The following SCN10A variants were observed in gnomAD, a reference collection of about 807,000 sequenced individuals.
SCN10A encodes sodium channel protein type 10 subunit alpha.
In SCN10A, 162 loss-of-function variants were observed where a neutral mutation model predicts 170.7. The ratio of observed to expected loss-of-function variants is 0.95; its 90% CI spans 0.84 to 1.08. The LOEUF (loss-of-function observed/expected upper bound fraction) is 1.08. Ranked by LOEUF, SCN10A falls within the 50% of genes least tolerant of loss-of-function variation. The pLI is 0.00. For missense variants in SCN10A, 2,527 were observed against 2,436.9 expected (o/e 1.04, Z -0.78); for synonymous variants, 985 against 904.6 (o/e 1.09, Z -1.59).
chr3:38,729,292 A>G (rs1048566363), intron 15 of SCN10A, among the ~76,000 whole-genome samples: 2 of 152,110 alleles, frequency 1.3e-5, no homozygotes, highest in African/African-American at 4.8e-5. Context: ...ATGACTGAAG[A>G]GAGACCAGCC....
chr3:38,815,399 G>C (rs138131379), intron 1 of SCN10A, among the ~76,000 whole-genome samples: 2 of 152,178 alleles, frequency 1.3e-5, no homozygotes, highest in Non-Finnish European at 2.9e-5. Flanking sequence ...TTGACATTCA[G>C]AGTCAATAGG....
At chr3:38,810,110 G>A (rs191982292) in intron 1 of SCN10A, among the ~76,000 whole-genome samples, 2 of 152,250 alleles carry the variant, frequency 1.3e-5, no homozygotes, top group East Asian at 3.9e-4. Context: ...ATGAGCCCCT[G>A]CTCATAAAGC....
intron 1 of SCN10A, among the ~76,000 whole-genome samples, chr3:38,808,322 T>A (rs1417712812): frequency 1.3e-5 from 2 of 152,240 alleles, no homozygotes; most frequent in Admixed American, 6.5e-5. Context: ...TTTAGTTAAG[T>A]GTCAGTTTTT....
At position 38,782,581 on chromosome 3, in the gene SCN10A, C is replaced by A. The variant is rs1448590963; in HGVS notation, c.470+6375G>T. 7.9e-5 allele frequency among the ~76,000 whole-genome samples: 12 copies of A among 152,062 alleles called. 1 individual carries two copies. In the East Asian group the frequency reaches 2.3e-3, roughly 29 times the overall value. ...TCTATCTTCCATATTTAACCACAATCTCCAAATAACTCCCAAATAACTCAT... is the reference window on the plus strand; with the variant it reads ...TCTATCTTCCATATTTAACCACAATATCCAAATAACTCCCAAATAACTCAT... On this transcript the variant is annotated intron_variant, in intron 4 of 27. Coordinates refer to ENST00000449082, the MANE Select transcript of SCN10A (RefSeq NM_006514.4).
intron 1 of SCN10A, among the ~76,000 whole-genome samples, chr3:38,812,262 A>C (rs72869630): frequency 0.024 from 3,634 of 152,318 alleles, 112 homozygotes; most frequent in African/African-American, 0.079. Context: ...ATCCTCACAC[A>C]ATCATAGGAG....
At chr3:38,767,095 C>T (rs998958254) in intron 5 of SCN10A, among the ~76,000 whole-genome samples, 3 of 151,276 alleles carry the variant, frequency 2.0e-5, no homozygotes, top group African/African-American at 2.4e-5. Context: ...CATTTTATTT[C>T]TAATTGAGCT....
intron 1 of SCN10A, among the ~76,000 whole-genome samples, chr3:38,800,865 C>T (rs1422240592): frequency 1.3e-5 from 2 of 152,170 alleles, no homozygotes; most frequent in African/African-American, 2.4e-5. Context: ...GCTATAGTAG[C>T]ACCTTGACTT....
chr3:38,723,647 G>T, intron 18 of SCN10A, 94 bp from the exon 19 acceptor site: 2 of 1,418,670 alleles, frequency 1.4e-6, no homozygotes, highest in Non-Finnish European at 9.6e-7. Flanking sequence ...ACCCATGTTT[G>T]GTGCCTCGCC....
intron 13 of SCN10A, among the ~76,000 whole-genome samples, chr3:38,742,994 C>G (rs2063650187): frequency 6.6e-6 from 1 of 152,108 alleles, no homozygotes. Context: ...CTATGCTTAC[C>G]AACCCTCCTA....
chr3:38,764,029 G>A (rs1410754975), intron 5 of SCN10A, among the ~76,000 whole-genome samples: 1 of 152,126 alleles, frequency 6.6e-6, no homozygotes, highest in African/African-American at 2.4e-5. Flanking sequence ...CCCCCGAAGC[G>A]GTACTCTGTG....
intron 1 of SCN10A, among the ~76,000 whole-genome samples, chr3:38,800,104 C>A (rs192019356): frequency 1.3e-5 from 2 of 152,138 alleles, no homozygotes; most frequent in African/African-American, 4.8e-5. Flanking sequence ...ATGGGTAAAG[C>A]AGTATCTATG....
intron 21 of SCN10A, among the ~76,000 whole-genome samples, chr3:38,715,459 A>G (rs1453548107): frequency 2.6e-5 from 4 of 152,224 alleles, no homozygotes; most frequent in African/African-American, 9.6e-5. Flanking sequence ...GATAAACTCC[A>G]TACTCTGTAG....
chr3:38,697,794 T>C lies in SCN10A; in HGVS notation c.5426A>G (p.Lys1809Arg), dbSNP rs561166361. 15 of 1,614,200 alleles carry C rather than the reference T, an allele frequency of 9.3e-6. No homozygotes were observed. In the East Asian group the frequency reaches 3.1e-4, roughly 34 times the overall value. The change falls in exon 28 of 28, where the codon AAG (lysine) becomes AGG (arginine). Residue 1809 changes from lysine (K) to arginine (R), a missense_variant. Lys to Arg is a conservative substitution (Grantham distance 26). Transcript: ENST00000449082. ...CTCCCCGGATTCTCCTAGGACATTC[T>C]TGGTGAAAGCAAAAAGGATGTCCAA... is the stretch of plus-strand genomic sequence containing the variant. ...HCLDILFAFT[K>R]NVLGESGELD...
intron 4 of SCN10A, among the ~76,000 whole-genome samples, chr3:38,777,963 C>T (rs2064096000): frequency 6.6e-6 from 1 of 151,950 alleles, no homozygotes; most frequent in African/African-American, 2.4e-5. Context: ...GAGGAGAAAA[C>T]ACAGGATAAT....
intron 1 of SCN10A, among the ~76,000 whole-genome samples, chr3:38,804,990 CAGAG>C (rs2126065364): frequency 6.6e-6 from 1 of 152,202 alleles, no homozygotes; most frequent in African/African-American, 2.4e-5. Context: ...CATGTAGACT[CAGAG>C]GGAGTGTGAA....
rs1398369804 is a variant in SCN10A at position 38,728,583 on chromosome 3, G to A, written c.2599C>T (p.Leu867Phe). 11 of 1,608,866 alleles carry A rather than the reference G, an allele frequency of 6.8e-6. No individual in the cohort carries two copies. The Admixed American group carries it at 1.3e-4, about 20-fold the overall frequency. Residue 867 changes from leucine to phenylalanine, a missense_variant, in exon 16 of 28, where the codon CTC becomes TTC. Transcript: ENST00000449082. ...ACCATCACCGTCAAGAAAAGGATGAGGCATATGGATTTTTGGCCAACTTCC... is the reference window on the plus strand; with the variant it reads ...ACCATCACCGTCAAGAAAAGGATGAAGCATATGGATTTTTGGCCAACTTCC... ...CMEVGQKSIC[L>F]ILFLTVMVLG...
intron 3 of SCN10A, among the ~76,000 whole-genome samples, chr3:38,791,465 C>A (rs2064280169): frequency 6.6e-6 from 1 of 152,160 alleles, no homozygotes; most frequent in African/African-American, 2.4e-5. Flanking sequence ...ACATTTTAAA[C>A]CTGCTAGTAG....
chr3:38,715,215 C>T (rs1282982291), intron 21 of SCN10A, among the ~76,000 whole-genome samples: 1 of 152,142 alleles, frequency 6.6e-6, no homozygotes, highest in Non-Finnish European at 1.5e-5. Context: ...TGCTCAGCCC[C>T]CTGGGAAGTC....
intron 18 of SCN10A, among the ~76,000 whole-genome samples, chr3:38,724,549 A>T (rs1559424435): frequency 6.6e-6 from 1 of 152,174 alleles, no homozygotes; most frequent in Non-Finnish European, 1.5e-5. Context: ...CTGTCACTTC[A>T]CTACTCACCT....
Sources: gnomAD v4.1 joint callset for allele counts (sites outside exome capture counted in the v4.1 genomes callset) on GRCh38, gnomAD v4.1.1 for gene constraint, MANE v1.5 for transcripts, NCBI Gene and HGNC (gene_info 2026-07-23, HGNC 2026-07-21) for gene names.